Variants in SDK1 observed in about 807,000 individuals in gnomAD.
The protein encoded by SDK1 is sidekick cell adhesion molecule 1, also known as protein sidekick-1.
SDK1 carries 157 observed loss-of-function variants against 245.5 expected under a neutral mutation model. The observed-to-expected ratio is 0.64, with a 90% CI of 0.56 to 0.73. The LOEUF is 0.73. Ranked by LOEUF, SDK1 falls within the 30% of genes least tolerant of loss-of-function variation. The probability of loss-of-function intolerance (pLI) is 0.00; values close to 1 mark genes in which losing one functional copy is unlikely to be tolerated. For missense variants in SDK1, 3,583 were observed against 3,002.3 expected, an observed-to-expected ratio of 1.19 and a Z score of -4.52; for synonymous variants, 1,647 against 1,278.5, an observed-to-expected ratio of 1.29 and a Z score of -6.15.
intron 1 of SDK1, among the ~76,000 whole-genome samples, chr7:3,524,382 A>G (rs191985240): frequency 4.6e-5 from 7 of 152,266 alleles, no homozygotes; most frequent in East Asian, 1.9e-4. Context: ...GGGGAGATCA[A>G]TTAGGGGGCT....
intron 1 of SDK1, among the ~76,000 whole-genome samples, chr7:3,562,611 A>C (rs1409194775): frequency 1.3e-5 from 2 of 152,206 alleles, no homozygotes; most frequent in East Asian, 1.9e-4. Context: ...GAGAGTCTGG[A>C]GGAAACTGGT....
At chr7:3,839,641 A>G (rs1312615275) in intron 5 of SDK1, among the ~76,000 whole-genome samples, 1 of 152,218 alleles carries the variant, frequency 6.6e-6, no homozygotes, top group East Asian at 1.9e-4. Context: ...AGTAATATCC[A>G]TCCATGAATA....
At chr7:3,431,405 C>T (rs1244585791) in intron 1 of SDK1, among the ~76,000 whole-genome samples, 1 of 144,598 alleles carries the variant, frequency 6.9e-6, no homozygotes, top group African/African-American at 2.7e-5. Flanking sequence ...TTTACTTAGC[C>T]AGAATCCTAA....
At chr7:3,940,881 G>A (rs1780341861) in intron 5 of SDK1, among the ~76,000 whole-genome samples, 1 of 151,948 alleles carries the variant, frequency 6.6e-6, no homozygotes, top group African/African-American at 2.4e-5. Flanking sequence ...GCCATCTCCT[G>A]TGCTCACTCC....
intron 44 of SDK1, among the ~76,000 whole-genome samples, chr7:4,262,606 C>G (rs1170019389): frequency 6.6e-6 from 1 of 151,552 alleles, no homozygotes; most frequent in Non-Finnish European, 1.5e-5. Flanking sequence ...CAGGCAGCTT[C>G]ATTTCTCCGT....
chr7:4,114,005 T>A, intron 24 of SDK1, 32 bp from the exon 25 acceptor site: 3 of 1,588,822 alleles, frequency 1.9e-6, no homozygotes, highest in Non-Finnish European at 2.6e-6. Flanking sequence ...TTCTGAGATG[T>A]CAGCTCATCG....
At chr7:3,487,436 A>C (rs894113711) in intron 1 of SDK1, among the ~76,000 whole-genome samples, 1 of 151,984 alleles carries the variant, frequency 6.6e-6, no homozygotes, top group African/African-American at 2.4e-5. Context: ...AGGAGGAGGA[A>C]AAAAAAATCT....
At chr7:4,109,899 CAG>C (rs1554344915) in intron 22 of SDK1, among the ~76,000 whole-genome samples, 1 of 152,028 alleles carries the variant, frequency 6.6e-6, no homozygotes, top group Non-Finnish European at 1.5e-5. Context: ...AGCTCCCAGA[CAG>C]GGAGTAAAAT....
intron 20 of SDK1, 103 bp downstream of exon 20, chr7:4,068,039 C>T: frequency 1.3e-6 from 1 of 778,048 alleles, no homozygotes; most frequent in South Asian, 1.7e-5. Context: ...GACCCGTGCC[C>T]ATGGCCTTCT....
At chr7:3,812,585 C>T (rs75185064) in intron 4 of SDK1, among the ~76,000 whole-genome samples, 2,426 of 152,238 alleles carry the variant, frequency 0.016, 72 homozygotes, top group African/African-American at 0.055. Context: ...AAAGGATGCC[C>T]GCGTAGACTA....
chr7:3,659,808 A>G (rs1006376712), intron 4 of SDK1, among the ~76,000 whole-genome samples: 3 of 152,210 alleles, frequency 2.0e-5, no homozygotes, highest in Non-Finnish European at 4.4e-5. Flanking sequence ...CCAGATGAAG[A>G]CAGGGTGGAT....
intron 5 of SDK1, among the ~76,000 whole-genome samples, chr7:3,890,644 T>TAAA (rs751434855): frequency 7.0e-6 from 1 of 142,748 alleles, no homozygotes; most frequent in Admixed American, 7.0e-5. Flanking sequence ...TTGCTGTGGT[T>TAAA]AAAAAAAAAA....
At chr7:4,106,521 C>A (rs1234893623) in intron 22 of SDK1, among the ~76,000 whole-genome samples, 2 of 152,132 alleles carry the variant, frequency 1.3e-5, no homozygotes, top group Admixed American at 6.5e-5. Context: ...TGGTCTCAAT[C>A]TCCTGACCTT....
At chr7:3,520,782 T>C (rs1358861577) in intron 1 of SDK1, among the ~76,000 whole-genome samples, 2 of 152,228 alleles carry the variant, frequency 1.3e-5, no homozygotes, top group Admixed American at 6.5e-5. Context: ...GCATAGCATG[T>C]CTGAGATTGC....
intron 1 of SDK1, among the ~76,000 whole-genome samples, chr7:3,474,370 A>G (rs1007185594): frequency 6.6e-6 from 1 of 151,954 alleles, no homozygotes; most frequent in Non-Finnish European, 1.5e-5. Flanking sequence ...CTGGGATTAC[A>G]GGTGTGAGCT....
rs114047216 is a variant in SDK1 at position 3,335,295 on chromosome 7, T to C, written c.298+33411T>C. Among the ~76,000 whole-genome samples the C allele has an allele frequency of 7.2e-3, 1,099 of 152,300 alleles. 15 individuals carry two copies. Among genetic ancestry groups the C allele is most frequent in the African/African-American group, 0.026 (1,060 of 41,560 alleles). ...TGTGGATGGTCCCAGTTATCTTTCT[T>C]TATTTACCCCCTAAGCATTATCCAC... On this transcript the variant is annotated intron_variant, in intron 1 of 44. Coordinates refer to ENST00000404826, the MANE Select transcript of SDK1 (RefSeq NM_152744.4).
At chr7:3,595,210 G>T (rs1165814720) in intron 1 of SDK1, among the ~76,000 whole-genome samples, 1 of 147,616 alleles carries the variant, frequency 6.8e-6, no homozygotes, top group Non-Finnish European at 1.5e-5. Context: ...CTGCCATATT[G>T]GTGACTTTAT....
At chr7:3,663,682 C>A (rs1452501244) in intron 4 of SDK1, among the ~76,000 whole-genome samples, 1 of 152,150 alleles carries the variant, frequency 6.6e-6, no homozygotes, top group South Asian at 2.1e-4. Context: ...CTGGGCAAAC[C>A]GAGATGGCTG....
intron 1 of SDK1, among the ~76,000 whole-genome samples, chr7:3,579,407 A>T (rs1181351061): frequency 6.6e-6 from 1 of 152,278 alleles, no homozygotes; most frequent in African/African-American, 2.4e-5. Flanking sequence ...TTACATAAAC[A>T]GAACTAAAGA....
Sources: allele counts gnomAD v4.1 joint callset (sites outside exome capture counted in the v4.1 genomes callset), GRCh38; gene constraint gnomAD v4.1.1; transcripts MANE v1.5; gene names NCBI Gene and HGNC (gene_info 2026-07-23, HGNC 2026-07-21).